Variants in NCEH1 observed in about 807,000 individuals in gnomAD.
NCEH1 encodes neutral cholesterol ester hydrolase 1, also known as 2-acetyl MAGE hydrolase.
Under a neutral mutation model 25.4 loss-of-function variants are expected in NCEH1, and 9 were observed. The observed-to-expected ratio is 0.35, with a 90% CI of 0.21 to 0.62. The LOEUF is 0.62. Among genes scored for constraint, NCEH1 ranks in the 20% least tolerant of loss-of-function variants. NCEH1 has a pLI of 0.72. For synonymous variants in NCEH1, 200 were observed against 199.8 expected (o/e 1.00, Z -0.01); for missense variants, 412 against 501.1 (o/e 0.82, Z 1.70).
rs563752489 is a variant in NCEH1, at chr3:172,678,460, C to A, written c.139-30346G>T. Among the ~76,000 whole-genome samples, 5 of 152,278 alleles carry A rather than the reference C, an allele frequency of 3.3e-5. No homozygotes were observed. The South Asian group carries it at 1.0e-3, about 32-fold the overall frequency. On this transcript the variant is annotated intron_variant, in intron 1 of 4. Transcript: ENST00000475381. ...CACCAGGAGCAGCTTCTTGTTTTAA[C>A]GGATCCAAGACGTTGGAACAAGTCA...
chr3:172,666,606 C>T (rs554521551), intron 1 of NCEH1, among the ~76,000 whole-genome samples: 1 of 152,228 alleles, frequency 6.6e-6, no homozygotes, highest in Admixed American at 6.5e-5. Context: ...GGTGCGAGAC[C>T]AAGGACCCTG....
At chr3:172,685,567 A>G (rs980837968) in intron 1 of NCEH1, among the ~76,000 whole-genome samples, 2 of 152,250 alleles carry the variant, frequency 1.3e-5, no homozygotes, top group African/African-American at 4.8e-5. Flanking sequence ...GACAAGAATC[A>G]GGGCAGCAGG....
chr3:172,656,243 A>G (rs6785471), intron 1 of NCEH1, among the ~76,000 whole-genome samples: 101,935 of 152,002 alleles, frequency 0.67, 34,434 homozygotes, highest in East Asian at 0.93. Context: ...AGAGACTTGA[A>G]CGTGCTTCTT....
At chr3:172,709,029 G>C (rs779589197) in intron 1 of NCEH1, among the ~76,000 whole-genome samples, 5 of 152,160 alleles carry the variant, frequency 3.3e-5, no homozygotes, top group Non-Finnish European at 5.9e-5. Flanking sequence ...ATCCACTCCT[G>C]AGCCACAGTG....
intron 1 of NCEH1, among the ~76,000 whole-genome samples, chr3:172,708,604 G>C (rs545261143): frequency 6.6e-6 from 1 of 152,122 alleles, no homozygotes; most frequent in Non-Finnish European, 1.5e-5. Context: ...TGATCCACCC[G>C]CCTCGGCCTC....
intron 1 of NCEH1, among the ~76,000 whole-genome samples, chr3:172,697,931 A>G (rs1162022219): frequency 1.3e-5 from 2 of 151,570 alleles, no homozygotes; most frequent in Non-Finnish European, 2.9e-5. Flanking sequence ...ATCTGCCAGC[A>G]ATCTTATTGT....
intron 1 of NCEH1, among the ~76,000 whole-genome samples, chr3:172,672,780 T>G (rs1711712388): frequency 6.6e-6 from 1 of 152,192 alleles, no homozygotes; most frequent in Non-Finnish European, 1.5e-5. Context: ...AGCCCCAAGA[T>G]GCATCCATTA....
At chr3:172,642,983 G>A (rs1297151315) in intron 3 of NCEH1, among the ~76,000 whole-genome samples, 1 of 152,250 alleles carries the variant, frequency 6.6e-6, no homozygotes, top group East Asian at 1.9e-4. Context: ...TTGTTGCCCA[G>A]GCTGGAGTGC....
intron 1 of NCEH1, among the ~76,000 whole-genome samples, chr3:172,675,803 T>C (rs766780869): frequency 2.0e-5 from 3 of 152,210 alleles, no homozygotes; most frequent in Non-Finnish European, 4.4e-5. Flanking sequence ...AATCCAGTAT[T>C]GCAATCCATT....
chr3:172,671,982 C>T (rs1475129310), intron 1 of NCEH1, among the ~76,000 whole-genome samples: 1 of 152,164 alleles, frequency 6.6e-6, no homozygotes, highest in Admixed American at 6.5e-5. Context: ...TACAGTAATG[C>T]ATAGTAATGT....
At chr3:172,643,142 T>C (rs1030012159) in intron 3 of NCEH1, among the ~76,000 whole-genome samples, 10 of 152,070 alleles carry the variant, frequency 6.6e-5, no homozygotes, top group Non-Finnish European at 1.3e-4. Flanking sequence ...TTCTCCATGT[T>C]GTTGATCAGG....
rs1717674729 is a variant in NCEH1, at chr3:172,655,989, TA to T, written c.139-7876del. Among the ~76,000 whole-genome samples the T allele has an allele frequency of 2.0e-5, 3 of 151,874 alleles. No individual in the cohort carries two copies. In the South Asian group the frequency reaches 6.2e-4, roughly 31 times the overall value. Reference sequence around the variant, plus strand: ...AACAGAAACAAGAAACTGGAGATATTAAGGGGGAAGAGATTTCAAGAAGGCA... The same window carrying T: ...AACAGAAACAAGAAACTGGAGATATTAGGGGGAAGAGATTTCAAGAAGGCA... On this transcript the variant is annotated intron_variant, in intron 1 of 4. Coordinates refer to ENST00000475381, the MANE Select transcript of NCEH1 (RefSeq NM_020792.6).
At chr3:172,635,359 TC>T (rs1321523951) in intron 4 of NCEH1, among the ~76,000 whole-genome samples, 1 of 152,206 alleles carries the variant, frequency 6.6e-6, no homozygotes, top group East Asian at 1.9e-4. Flanking sequence ...ATGTGCTTTT[TC>T]CCACTTGCCA....
Position 172,682,909 on chromosome 3 carries a change from G to C in NCEH1, c.138+27938C>G, listed in dbSNP as rs550670806. Among the ~76,000 whole-genome samples the C allele has an allele frequency of 5.3e-5, 8 of 152,290 alleles. No homozygotes were observed. In the South Asian group the frequency reaches 1.7e-3, roughly 32 times the overall value. Reference sequence around the variant, plus strand: ...TAGAACATTGCTGTGAAAATTATCAGAACTCTTCACTGAAACAAATGTTTG... The same window carrying C: ...TAGAACATTGCTGTGAAAATTATCACAACTCTTCACTGAAACAAATGTTTG... On this transcript the variant is annotated intron_variant, in intron 1 of 4. Transcript: ENST00000475381.
chr3:172,681,532 A>G (rs1167935466), intron 1 of NCEH1, among the ~76,000 whole-genome samples: 1 of 152,078 alleles, frequency 6.6e-6, no homozygotes, highest in East Asian at 1.9e-4. Flanking sequence ...GTAGATATGA[A>G]GAATGCCACT....
intron 1 of NCEH1, among the ~76,000 whole-genome samples, chr3:172,694,003 C>T (rs1713220494): frequency 1.3e-5 from 2 of 152,176 alleles, no homozygotes; most frequent in Admixed American, 1.3e-4. Flanking sequence ...AAATGATCCT[C>T]CCACCTCAGC....
intron 1 of NCEH1, among the ~76,000 whole-genome samples, chr3:172,675,348 T>C (rs1234348035): frequency 1.4e-5 from 2 of 138,266 alleles, no homozygotes; most frequent in Non-Finnish European, 3.0e-5. Context: ...TAAATGATTT[T>C]GTGAGTTGAT....
chr3:172,696,300 T>C (rs995167809), intron 1 of NCEH1, among the ~76,000 whole-genome samples: 3 of 152,122 alleles, frequency 2.0e-5, no homozygotes, highest in Admixed American at 1.3e-4. Context: ...TAAGAAGATC[T>C]ACACCTGTAT....
At chr3:172,674,433 ACT>A (rs1170325802) in intron 1 of NCEH1, among the ~76,000 whole-genome samples, 5 of 128,108 alleles carry the variant, frequency 3.9e-5, no homozygotes, top group South Asian at 2.4e-4. Context: ...ACTGGGAGAG[ACT>A]CTGTCTCCAA....
Sources: allele counts gnomAD v4.1 joint callset (sites outside exome capture counted in the v4.1 genomes callset), GRCh38; gene constraint gnomAD v4.1.1; transcripts MANE v1.5; gene names NCBI Gene and HGNC (gene_info 2026-07-23, HGNC 2026-07-21).